TEAD4: variants seen among roughly 807,000 people sequenced by gnomAD.
The protein encoded by TEAD4 is transcriptional enhancer factor TEF-3.
A neutral mutation model predicts 52.4 loss-of-function variants in TEAD4; 36 were observed. The ratio of observed to expected loss-of-function variants is 0.69; its 90% CI spans 0.53 to 0.91. The LOEUF (loss-of-function observed/expected upper bound fraction) is 0.91. TEAD4 is among the 40% of genes least tolerant of loss of function. The pLI, the probability that TEAD4 is intolerant of heterozygous loss-of-function variation, is 0.00. For synonymous variants in TEAD4, 220 were observed against 231.0 expected, an observed-to-expected ratio of 0.95 and a Z score of 0.43; for missense variants, 508 against 583.9, an observed-to-expected ratio of 0.87 and a Z score of 1.34.
At chr12:3,024,646 A>ACC (rs1005540449) in intron 10 of TEAD4, among the ~76,000 whole-genome samples, 4 of 152,222 alleles carry the variant, frequency 2.6e-5, no homozygotes, top group African/African-American at 9.6e-5. Context: ...ACAGAGCAAG[A>ACC]CCCTGCCTCA....
intron 2 of TEAD4, among the ~76,000 whole-genome samples, chr12:2,975,537 C>T (rs7303290): frequency 0.84 from 126,988 of 151,840 alleles, 53,923 homozygotes; most frequent in Middle Eastern, 0.92. Context: ...TACAGGCATG[C>T]GCCACCACAC....
At chr12:3,031,226 C>CT (rs1156689471) in intron 10 of TEAD4, among the ~76,000 whole-genome samples, 2 of 152,180 alleles carry the variant, frequency 1.3e-5, no homozygotes, top group African/African-American at 4.8e-5. Flanking sequence ...TTCACCCTTG[C>CT]TTGAGCACTC....
In TEAD4 at chr12:2,994,862, C is replaced by G. The variant is rs201697096; in HGVS notation, c.96C>G (p.Asp32Glu). The change falls in exon 3 of 13, where the codon GAC (aspartate) becomes GAG (glutamate). Residue 32 changes from aspartate (D) to glutamate (E), a missense_variant. Physicochemically the swap from Asp to Glu is conservative, Grantham distance 45. Coordinates refer to ENST00000359864, the MANE Select transcript of TEAD4 (RefSeq NM_003213.4). This position sits in a 1 kb window ranked among gnomAD's most constrained non-coding sequence, Gnocchi z 4.7. The stretch of plus-strand genomic sequence containing the variant: ...CCTCTGGGGGCAGTCAGGCACTGGA[C>G]AAGCCCATCGACAATGACGCAGAGG... 6.2e-7 allele frequency: 1 copy of G among 1,614,142 alleles called. No individual in the cohort carries two copies. The highest frequency in any genetic ancestry group is 8.5e-7 in the Non-Finnish European group (1 of 1,180,036).
chr12:2,960,748 A>G (rs1048538569), intron 2 of TEAD4, among the ~76,000 whole-genome samples: 2 of 152,150 alleles, frequency 1.3e-5, no homozygotes, highest in Non-Finnish European at 2.9e-5. Flanking sequence ...ATCTCTGAGT[A>G]GGTGTGTGAT....
chr12:3,022,524 G>T (rs1201577314), intron 10 of TEAD4, among the ~76,000 whole-genome samples: 2 of 152,172 alleles, frequency 1.3e-5, no homozygotes, highest in Admixed American at 6.5e-5. Flanking sequence ...CCAGGGCGAG[G>T]CCACCCCACA....
chr12:2,962,635 G>GT (rs898299585), intron 2 of TEAD4, among the ~76,000 whole-genome samples: 9 of 151,936 alleles, frequency 5.9e-5, no homozygotes, highest in African/African-American at 1.9e-4. Context: ...ACTCCCAGCC[G>GT]TTTTTTGTAT....
At chr12:3,030,069 G>C (rs1289832764) in intron 10 of TEAD4, among the ~76,000 whole-genome samples, 2 of 152,154 alleles carry the variant, frequency 1.3e-5, no homozygotes, top group Non-Finnish European at 2.9e-5. Flanking sequence ...TAACTCTCCT[G>C]TTCTTACTCC....
At chr12:2,992,392 C>T (rs979735908) in intron 2 of TEAD4, among the ~76,000 whole-genome samples, 6 of 152,236 alleles carry the variant, frequency 3.9e-5, no homozygotes, top group Admixed American at 1.3e-4. Flanking sequence ...TTGCCAAGCT[C>T]CTTTTGACCT....
intron 2 of TEAD4, among the ~76,000 whole-genome samples, chr12:2,984,476 G>C (rs2098236469): frequency 6.6e-6 from 1 of 152,118 alleles, no homozygotes; most frequent in Non-Finnish European, 1.5e-5. Context: ...GTGGTCATTA[G>C]TTAGATGTGG....
chr12:2,960,414 A>C, intron 2 of TEAD4: 1 of 960,646 alleles, frequency 1.0e-6, no homozygotes, highest in Non-Finnish European at 1.2e-6. Context: ...CCCCTGCAAA[A>C]GGTCCTACAC....
At position 3,017,415 on chromosome 12, in the gene TEAD4, C is replaced by T; in HGVS notation, c.372C>T (p.Asp124=). 6.2e-7 allele frequency: 1 copy of T among 1,614,178 alleles called. No homozygotes were observed. The highest frequency in any genetic ancestry group is 8.5e-7 in the Non-Finnish European group (1 of 1,180,042). Residue 124 remains aspartate (D), a synonymous_variant, in exon 6 of 13, where the codon GAC becomes GAT. Transcript: ENST00000359864. ...TCCCCCAGGACCAGGCAGCTAAGGA[C>T]AAGGCCCTGCAGAGCATGGCTGCCA... is the stretch of plus-strand genomic sequence containing the variant.
In TEAD4 at chr12:3,040,318, T is replaced by C. The variant is rs755449398; in HGVS notation, c.1192-47T>C. ...CTGTGTGTGGGTAGCAGCCATGGCA[T>C]GCCCCTTCTGGGGCCTTATTAACCC... On this transcript the variant is annotated intron_variant, in intron 12 of 12. Transcript: ENST00000359864. 9 of 1,613,778 alleles carry C rather than the reference T, an allele frequency of 5.6e-6. No homozygotes were observed. The African/African-American group carries it at 1.1e-4, about 19-fold the overall frequency.
At chr12:3,018,422 G>A (rs931443908) in intron 6 of TEAD4, 123 bp from the exon 7 acceptor site, 8 of 1,129,418 alleles carry the variant, frequency 7.1e-6, no homozygotes, top group African/African-American at 4.6e-5. Flanking sequence ...CTAGCTAGGC[G>A]AGGCCTCGGG....
chr12:3,014,746 A>G (rs768336236), intron 5 of TEAD4, among the ~76,000 whole-genome samples: 2 of 151,110 alleles, frequency 1.3e-5, no homozygotes, highest in African/African-American at 2.4e-5. Context: ...TACTGCTGTC[A>G]CTCCCCATCG....
intron 11 of TEAD4, among the ~76,000 whole-genome samples, chr12:3,039,878 G>C (rs148616716): frequency 6.4e-4 from 98 of 152,332 alleles, no homozygotes; most frequent in African/African-American, 2.3e-3. Flanking sequence ...ATAGTAACAA[G>C]GTTTCACCAT....
chr12:2,986,532 C>T (rs189340730), intron 2 of TEAD4, among the ~76,000 whole-genome samples: 40 of 151,304 alleles, frequency 2.6e-4, no homozygotes, highest in Middle Eastern at 3.4e-3. Context: ...CCCAGCTACT[C>T]GGGAGGCTGA....
At chr12:3,039,835 G>T (rs3782833) in intron 11 of TEAD4, among the ~76,000 whole-genome samples, 88,812 of 152,002 alleles carry the variant, frequency 0.58, 30,224 homozygotes, top group East Asian at 0.94. Flanking sequence ...TTACAGGCAC[G>T]CGCCACCGTG....
intron 2 of TEAD4, chr12:2,960,313 C>T: frequency 1.0e-6 from 1 of 985,480 alleles, no homozygotes; most frequent in Non-Finnish European, 1.2e-6. Context: ...TGCCTCTTTT[C>T]TGCTGGGCCC....
At chr12:2,992,039 G>A (rs1282050369) in intron 2 of TEAD4, among the ~76,000 whole-genome samples, 1 of 72,244 alleles carries the variant, frequency 1.4e-5, no homozygotes, top group Non-Finnish European at 3.6e-5. Context: ...TTTTTTTTGA[G>A]GCGGAGTCTC....
Sources: gnomAD v4.1 joint callset for allele counts (sites outside exome capture counted in the v4.1 genomes callset) on GRCh38, gnomAD v4.1.1 for gene constraint, Gnocchi (gnomAD v3.1) non-coding constraint, MANE v1.5 for transcripts, NCBI Gene and HGNC (gene_info 2026-07-23, HGNC 2026-07-21) for gene names.